Variants in ELP4 observed in about 807,000 individuals in gnomAD.
ELP4 encodes the protein elongator complex protein 4.
ELP4 carries 51 observed loss-of-function variants against 48.9 expected under a neutral mutation model. The ratio of observed to expected loss-of-function variants is 1.04; its 90% CI spans 0.83 to 1.32. The LOEUF (loss-of-function observed/expected upper bound fraction) is 1.32, where lower values mean the gene tolerates loss of function less well. Ranked by LOEUF, ELP4 falls within the 40% of genes most tolerant of loss-of-function variation. The pLI, the probability that ELP4 is intolerant of heterozygous loss-of-function variation, is 0.00. For missense variants in ELP4, 519 were observed against 514.6 expected (o/e 1.01, Z -0.08); for synonymous variants, 210 against 189.2 (o/e 1.11, Z -0.90).
At chr11:31,737,534 G>A (rs1188581105) in intron 9 of ELP4, among the ~76,000 whole-genome samples, 1 of 151,832 alleles carries the variant, frequency 6.6e-6, no homozygotes, top group Admixed American at 6.6e-5. Context: ...AATTAAGGTG[G>A]CCTACAGACT....
chr11:31,771,062 T>C (rs2134269655), intron 9 of ELP4, among the ~76,000 whole-genome samples: 1 of 152,294 alleles, frequency 6.6e-6, no homozygotes, highest in East Asian at 1.9e-4. Context: ...TTTAAAAGAA[T>C]TAAACTCAGC....
chr11:31,682,836 C>T (rs1946081755), intron 9 of ELP4, among the ~76,000 whole-genome samples: 1 of 152,122 alleles, frequency 6.6e-6, no homozygotes, highest in South Asian at 2.1e-4. Flanking sequence ...ATTTGAGTTG[C>T]ATCTTGAAAG....
At chr11:31,657,210 C>T (rs1945456725) in intron 9 of ELP4, among the ~76,000 whole-genome samples, 1 of 152,008 alleles carries the variant, frequency 6.6e-6, no homozygotes, top group South Asian at 2.1e-4. Context: ...GCCTCAGTGC[C>T]TTTGCACAGC....
At chr11:31,553,945 T>A (rs1189766233) in intron 3 of ELP4, among the ~76,000 whole-genome samples, 1 of 152,194 alleles carries the variant, frequency 6.6e-6, no homozygotes, top group East Asian at 1.9e-4. Context: ...TTGCTTGTAT[T>A]ACTGCCTGAG....
At chr11:31,703,447 T>A (rs1331910337) in intron 9 of ELP4, among the ~76,000 whole-genome samples, 1 of 152,212 alleles carries the variant, frequency 6.6e-6, no homozygotes, top group African/African-American at 2.4e-5. Flanking sequence ...AAAGTATGAG[T>A]AAAATATGAA....
Position 31,789,632 on chromosome 11 carries a change from A to G in ELP4, c.*6108A>G, listed in dbSNP as rs1949113896. 1.4e-6 allele frequency: 1 copy of G among 695,910 alleles called. No homozygotes were observed. The highest frequency in any genetic ancestry group is 2.0e-5 in the Admixed American group (1 of 48,978). 43.1% of individuals were successfully genotyped at this position (695,910 alleles called of 1,614,324 possible). A position where few individuals can be genotyped will look rare whatever the true frequency, so the allele number is the denominator to read the frequency against. ...CACAGATCAAACATCCATCCAGTCT[A>G]CATTGTTCTTTTTTTCATTATAACA... is the stretch of plus-strand genomic sequence containing the variant. On this transcript the variant is annotated 3_prime_UTR_variant, in exon 10 of 10. Coordinates refer to ENST00000640961, the MANE Select transcript of ELP4 (RefSeq NM_019040.5).
intron 3 of ELP4, among the ~76,000 whole-genome samples, chr11:31,551,822 C>A (rs1296397589): frequency 1.3e-5 from 2 of 152,104 alleles, no homozygotes; most frequent in African/African-American, 2.4e-5. Context: ...ATTACCTCCT[C>A]TTTTATGAAA....
In ELP4 at chr11:31,627,103, C is replaced by A; in HGVS notation, c.654-7C>A. On this transcript the variant is annotated splice_region_variant and splice_polypyrimidine_tract_variant and intron_variant, in intron 5 of 9. Transcript: ENST00000640961. ...TTATGTATTTGAACCACTTCTTTTA[C>A]CAACAGTTCTTTGACCCCTGGCTAC... 1 of 1,587,082 alleles carries A rather than the reference C, an allele frequency of 6.3e-7. No homozygotes were observed. The highest frequency in any genetic ancestry group is 8.6e-7 in the Non-Finnish European group (1 of 1,158,420).
chr11:31,713,240 TAATAG>T (rs1946778669), intron 9 of ELP4, among the ~76,000 whole-genome samples: 1 of 152,222 alleles, frequency 6.6e-6, no homozygotes. Flanking sequence ...GAAATCTAAA[TAATAG>T]AATAGAGAAT....
intron 3 of ELP4, among the ~76,000 whole-genome samples, chr11:31,580,364 ATAT>A (rs1471900399): frequency 1.3e-5 from 2 of 152,208 alleles, no homozygotes; most frequent in Non-Finnish European, 2.9e-5. Flanking sequence ...AAAGGATCTA[ATAT>A]TAGTAGTAGG....
At chr11:31,580,865 T>G (rs1295066389) in intron 3 of ELP4, 1 of 152,204 alleles carries the variant, frequency 6.6e-6, no homozygotes, top group African/African-American at 2.4e-5. Flanking sequence ...GGTTTTACCA[T>G]GTTGCCAAGG....
At chr11:31,589,270 A>G (rs1248422604) in intron 3 of ELP4, among the ~76,000 whole-genome samples, 1 of 152,192 alleles carries the variant, frequency 6.6e-6, no homozygotes, top group Non-Finnish European at 1.5e-5. Flanking sequence ...GAATATATAC[A>G]TTACCATATA....
intron 7 of ELP4, among the ~76,000 whole-genome samples, chr11:31,644,656 A>G (rs1945166264): frequency 6.6e-6 from 1 of 151,690 alleles, no homozygotes; most frequent in Admixed American, 6.6e-5. Context: ...AAGTAAATTC[A>G]CCTGCTTTTA....
At chr11:31,698,029 A>G (rs1946446852) in intron 9 of ELP4, among the ~76,000 whole-genome samples, 1 of 152,170 alleles carries the variant, frequency 6.6e-6, no homozygotes, top group Non-Finnish European at 1.5e-5. Context: ...TAACAGAACT[A>G]AATGGTCACA....
intron 5 of ELP4, among the ~76,000 whole-genome samples, chr11:31,622,765 A>G (rs1944650312): frequency 6.6e-6 from 1 of 151,662 alleles, no homozygotes; most frequent in Admixed American, 6.6e-5. Flanking sequence ...TGGTCGTCAG[A>G]AAACAGGTTT....
At chr11:31,689,299 A>G (rs1418823889) in intron 9 of ELP4, 1 of 152,028 alleles carries the variant, frequency 6.6e-6, no homozygotes, top group Non-Finnish European at 1.5e-5. Flanking sequence ...TTAATTAGCC[A>G]GGTATGGTGG....
At chr11:31,622,945 A>G (rs1213347323) in intron 5 of ELP4, among the ~76,000 whole-genome samples, 1 of 151,618 alleles carries the variant, frequency 6.6e-6, no homozygotes, top group Non-Finnish European at 1.5e-5. Flanking sequence ...TTAAAGGTAA[A>G]AAGTAAAGTT....
At chr11:31,615,272 GA>G (rs1237019449) in intron 5 of ELP4, among the ~76,000 whole-genome samples, 2 of 151,940 alleles carry the variant, frequency 1.3e-5, no homozygotes, top group Admixed American at 6.6e-5. Context: ...AAATGGGTAA[GA>G]AAAAATTGAA....
intron 3 of ELP4, among the ~76,000 whole-genome samples, chr11:31,559,939 G>C (rs1038193902): frequency 6.8e-6 from 1 of 146,952 alleles, no homozygotes; most frequent in Non-Finnish European, 1.5e-5. Context: ...CAGTTTTGTT[G>C]TTTTGTTCTA....
Sources: gnomAD v4.1 joint callset for allele counts (sites outside exome capture counted in the v4.1 genomes callset) on GRCh38, gnomAD v4.1.1 for gene constraint, MANE v1.5 for transcripts, NCBI Gene and HGNC (gene_info 2026-07-23, HGNC 2026-07-21) for gene names.